Variants in WIPF2 observed in about 807,000 individuals in gnomAD.
WIPF2 encodes WAS/WASL-interacting protein family member 2.
Under a neutral mutation model 38.8 loss-of-function variants are expected in WIPF2, and 23 were observed. The observed-to-expected ratio is 0.59, with a 90% CI of 0.43 to 0.84. The LOEUF (loss-of-function observed/expected upper bound fraction) is 0.84. Among genes scored for constraint, WIPF2 ranks in the 40% least tolerant of loss-of-function variants. The probability of loss-of-function intolerance (pLI) is 0.00; values close to 1 mark genes in which losing one functional copy is unlikely to be tolerated. For synonymous variants in WIPF2, 210 were observed against 223.2 expected, an observed-to-expected ratio of 0.94 and a Z score of 0.53; for missense variants, 574 against 580.5, an observed-to-expected ratio of 0.99 and a Z score of 0.11.
At chr17:40,244,652 AGAGAAGGG>A (rs376350651) in intron 1 of WIPF2, among the ~76,000 whole-genome samples, 4 of 152,290 alleles carry the variant, frequency 2.6e-5, no homozygotes, top group African/African-American at 9.6e-5. Flanking sequence ...TGTATTGGAC[AGAGAAGGG>A]GACTACTTTT....
intron 1 of WIPF2, among the ~76,000 whole-genome samples, chr17:40,235,613 G>T (rs1598471425): frequency 3.3e-5 from 4 of 123,030 alleles, no homozygotes; most frequent in South Asian, 2.7e-4. Flanking sequence ...CGCTCTTGTT[G>T]CCCAGGCTGG....
At chr17:40,242,025 G>A (rs2031207561) in intron 1 of WIPF2, among the ~76,000 whole-genome samples, 1 of 152,180 alleles carries the variant, frequency 6.6e-6, no homozygotes, top group Admixed American at 6.6e-5. Flanking sequence ...CTAAAATACA[G>A]CTGAGGAGGC....
intron 7 of WIPF2, among the ~76,000 whole-genome samples, chr17:40,277,556 C>A (rs1208481949): frequency 6.6e-6 from 1 of 152,000 alleles, no homozygotes; most frequent in Non-Finnish European, 1.5e-5. Context: ...TGGCACACAC[C>A]TGTAGTCCCA....
At chr17:40,244,278 T>C (rs1359895618) in intron 1 of WIPF2, among the ~76,000 whole-genome samples, 1 of 152,162 alleles carries the variant, frequency 6.6e-6, no homozygotes. Context: ...ACCTGTTTGG[T>C]TCCTGCCGTT....
At chr17:40,268,923 A>C (rs2032170290) in intron 5 of WIPF2, among the ~76,000 whole-genome samples, 1 of 152,184 alleles carries the variant, frequency 6.6e-6, no homozygotes, top group Admixed American at 6.5e-5. Context: ...ACAGGCTCAC[A>C]CTTGTAATCC....
intron 1 of WIPF2, among the ~76,000 whole-genome samples, chr17:40,248,873 CAT>C (rs1236939030): frequency 2.6e-5 from 4 of 152,146 alleles, no homozygotes; most frequent in African/African-American, 9.7e-5. Flanking sequence ...AGTAATTAAA[CAT>C]ATATTGAAGA....
intron 6 of WIPF2, 44 bp from the exon 7 acceptor site, chr17:40,277,039 C>T: frequency 2.6e-6 from 4 of 1,534,636 alleles, no homozygotes; most frequent in Non-Finnish European, 3.6e-6. Context: ...CCTGTGGGAG[C>T]ACAAGCAAGG....
At chr17:40,271,226 T>G (rs992131456) in intron 5 of WIPF2, among the ~76,000 whole-genome samples, 1 of 152,226 alleles carries the variant, frequency 6.6e-6, no homozygotes, top group Non-Finnish European at 1.5e-5. Flanking sequence ...TCTGCCTGCC[T>G]CAGCCTCCCA....
chr17:40,277,971 C>T (rs2032457205), intron 7 of WIPF2, among the ~76,000 whole-genome samples: 1 of 152,116 alleles, frequency 6.6e-6, no homozygotes, highest in African/African-American at 2.4e-5. Context: ...GGTGATCCGC[C>T]CGCCTCGGCC....
At chr17:40,220,604 TATA>T (rs2030172587) in intron 1 of WIPF2, 1 of 121,058 alleles carries the variant, frequency 8.3e-6, no homozygotes, top group East Asian at 2.3e-4. Context: ...TATATATATA[TATA>T]TATATATATA....
In WIPF2 at chr17:40,282,174, CTCCACATTCATTGTGCCTT is replaced by C. The variant is rs1434793309; in HGVS notation, c.*3951_*3969del. The C allele has an allele frequency of 6.8e-6, 1 of 146,116 alleles. No individual in the cohort carries two copies. The highest frequency in any genetic ancestry group is 2.2e-4 in the East Asian group (1 of 4,650). 9.1% of individuals were successfully genotyped at this position (146,116 alleles called of 1,614,324 possible). A position where few individuals can be genotyped will look rare whatever the true frequency, so the allele number is the denominator to read the frequency against. ...GAAGGAAGGGTTTGGTTCCATTCAA[CTCCACATTCATTGTGCCTT>C]TACTTGCATTAGATTTCTGTGCTTT... On this transcript the variant is annotated 3_prime_UTR_variant, in exon 8 of 8. Coordinates refer to ENST00000323571, the MANE Select transcript of WIPF2 (RefSeq NM_133264.5).
chr17:40,258,454 T>C (rs1159196241), intron 2 of WIPF2, among the ~76,000 whole-genome samples: 1 of 152,082 alleles, frequency 6.6e-6, no homozygotes, highest in Non-Finnish European at 1.5e-5. Context: ...TAGCTGTGCA[T>C]GGTGGCGCTT....
At chr17:40,235,637 G>C (rs985828456) in intron 1 of WIPF2, among the ~76,000 whole-genome samples, 1 of 145,002 alleles carries the variant, frequency 6.9e-6, no homozygotes, top group Admixed American at 7.2e-5. Flanking sequence ...GCAATGGCAC[G>C]ATCTCAGCTC....
At chr17:40,277,831 AT>A (rs942334995) in intron 7 of WIPF2, among the ~76,000 whole-genome samples, 5 of 146,134 alleles carry the variant, frequency 3.4e-5, no homozygotes, top group African/African-American at 1.3e-4. Flanking sequence ...GGTTCAAGTG[AT>A]TCTCCTGCTT....
rs1382904412 is a variant in WIPF2 at position 40,280,201 on chromosome 17, G to A, written c.*1976G>A. On this transcript the variant is annotated 3_prime_UTR_variant, in exon 8 of 8. Transcript: ENST00000323571. ...GCAAACAGAACTGCCGGGCGCTGTG[G>A]CTTATGCCTGTAATCTCAGCAATTT... The A allele has an allele frequency of 6.6e-6, 1 of 152,244 alleles. No individual in the cohort carries two copies. Among genetic ancestry groups the A allele is most frequent in the Non-Finnish European group, 1.5e-5 (1 of 68,074 alleles). The allele number at this position is 152,244 out of a possible 1,614,324, so 9.4% of individuals were successfully genotyped here. A position where few individuals can be genotyped will look rare whatever the true frequency, so the allele number is the denominator to read the frequency against.
At chr17:40,246,168 C>T (rs1197202918) in intron 1 of WIPF2, among the ~76,000 whole-genome samples, 16 of 150,606 alleles carry the variant, frequency 1.1e-4, no homozygotes, top group Non-Finnish European at 1.6e-4. Context: ...CTCACTGCAA[C>T]ACCTTCCTCC....
intron 2 of WIPF2, 41 bp from the exon 3 acceptor site, chr17:40,260,494 G>A: frequency 6.2e-7 from 1 of 1,605,638 alleles, no homozygotes. Context: ...GCCGATAAAG[G>A]GAACTCTTTA....
rs1371273233 is a variant in WIPF2, at chr17:40,256,474, T to G, written c.15T>G (p.Pro5=). The G allele has an allele frequency of 6.2e-7, 1 of 1,608,312 alleles. No individual in the cohort carries two copies. Among genetic ancestry groups the G allele is most frequent in the Admixed American group, 1.7e-5 (1 of 58,970 alleles). MPIP[P]PPPPPPGPPP... ...GCAGGGCAAGAATGCCAATTCCTCC[T>G]CCCCCGCCACCCCCACCTGGTCCTC... Residue 5 remains proline, a synonymous_variant, in exon 2 of 8, where the codon CCT becomes CCG. Coordinates refer to ENST00000323571, the MANE Select transcript of WIPF2 (RefSeq NM_133264.5).
chr17:40,266,735 A>G (rs533194459), intron 5 of WIPF2, among the ~76,000 whole-genome samples: 1 of 152,198 alleles, frequency 6.6e-6, no homozygotes, highest in East Asian at 1.9e-4. Flanking sequence ...GTAGCATGAA[A>G]CTTAGGAGAG....
Sources: allele counts gnomAD v4.1 joint callset (sites outside exome capture counted in the v4.1 genomes callset), GRCh38; gene constraint gnomAD v4.1.1; transcripts MANE v1.5; gene names NCBI Gene and HGNC (gene_info 2026-07-23, HGNC 2026-07-21).